ANK2: variants seen among roughly 807,000 people sequenced by gnomAD.
ANK2 encodes the protein ankyrin 2.
Under a neutral mutation model 360.5 loss-of-function variants are expected in ANK2, and 83 were observed. The observed-to-expected ratio is 0.23, with a 90% CI of 0.19 to 0.28. The LOEUF is 0.28. ANK2 is among the 10% of genes least tolerant of loss of function. ANK2 has a pLI of 1.00. For missense variants in ANK2, 4,201 were observed against 4,795.7 expected, an observed-to-expected ratio of 0.88 and a Z score of 3.66; for synonymous variants, 1,740 against 1,759.5, an observed-to-expected ratio of 0.99 and a Z score of 0.28.
At chr4:113,330,116 T>C in intron 26 of ANK2, 130 bp from the exon 27 acceptor site, 2 of 872,382 alleles carry the variant, frequency 2.3e-6, no homozygotes, top group South Asian at 3.3e-5. Flanking sequence ...AAAACAAGCA[T>C]TTTACCACCA....
At chr4:113,263,104 A>G (rs1382280049) in intron 13 of ANK2, among the ~76,000 whole-genome samples, 1 of 147,654 alleles carries the variant, frequency 6.8e-6, no homozygotes, top group African/African-American at 2.5e-5. Context: ...AGGAGAATCT[A>G]TTGAACCCGG....
At chr4:113,100,926 A>G (rs745453285) in intron 1 of ANK2, among the ~76,000 whole-genome samples, 3 of 152,084 alleles carry the variant, frequency 2.0e-5, no homozygotes, top group Non-Finnish European at 4.4e-5. Context: ...AAAAGGCAAA[A>G]CTTTAGAGAT....
chr4:112,786,244 A>C, the ANK2 span, among the ~76,000 whole-genome samples: 177 of 151,580 alleles, frequency 1.2e-3, 1 homozygote, highest in African/African-American at 4.2e-3. Flanking sequence ...TGAAAAAAAA[A>C]AGTAAAAAAA....
chr4:112,747,617 T>A, the ANK2 span, among the ~76,000 whole-genome samples: 1 of 152,194 alleles, frequency 6.6e-6, no homozygotes, highest in Non-Finnish European at 1.5e-5. Context: ...GAAAGTTAAA[T>A]ATTAAGTTCT....
In ANK2 at chr4:113,354,831, C is replaced by T. The variant is rs777757295; in HGVS notation, c.6213C>T (p.Ser2071=). ...AATCCAAAAGAGGAGTTCGTGTTTC[C>T]TCCATAGGAGTTAAGAAAGAAGATG... The part of the protein sequence containing the change: ...TAESKRGVRV[S]SIGVKKEDAA... Residue 2071 remains serine (S), a synonymous_variant, in exon 38 of 46, where the codon TCC becomes TCT. Transcript: ENST00000357077. The T allele has an allele frequency of 5.6e-6, 9 of 1,613,986 alleles. No individual in the cohort carries two copies. Among genetic ancestry groups the T allele is most frequent in the African/African-American group, 5.3e-5 (4 of 74,918 alleles).
At chr4:113,077,176 C>T (rs1462373356) in intron 1 of ANK2, among the ~76,000 whole-genome samples, 1 of 149,242 alleles carries the variant, frequency 6.7e-6, no homozygotes, top group African/African-American at 2.5e-5. Context: ...GAGAAAAATG[C>T]AGTCATTTAA....
chr4:113,356,434 A>G lies in ANK2; in HGVS notation c.7816A>G (p.Lys2606Glu). The G allele has an allele frequency of 1.2e-6, 2 of 1,614,178 alleles. No homozygotes were observed. The highest frequency in any genetic ancestry group is 1.7e-6 in the Non-Finnish European group (2 of 1,179,994). The change falls in exon 38 of 46, where the codon AAG becomes GAG. Residue 2606 changes from lysine to glutamate, a missense_variant. By Grantham distance (56) the Lys-to-Glu change is moderately conservative. Around this residue, in one of 4 missense-constraint regions of ANK2, gnomAD observed 2,642 missense variants for 2,714.5 expected, o/e 0.97. Coordinates refer to ENST00000357077, the MANE Select transcript of ANK2 (RefSeq NM_001148.6). ...KMFDELEQEA[K>E]QKRDYKKEPK... ...GTTTGATGAACTTGAACAAGAAGCAAAGCAGAAAAGGGACTACAAAAAAGA... is the reference window on the plus strand; with the variant it reads ...GTTTGATGAACTTGAACAAGAAGCAGAGCAGAAAAGGGACTACAAAAAAGA...
upstream of ANK2, among the ~76,000 whole-genome samples, chr4:112,813,792 A>G (rs1027709757): frequency 6.6e-6 from 1 of 152,134 alleles, no homozygotes; most frequent in African/African-American, 2.4e-5. Context: ...CATCTTGGCC[A>G]CCCAAAGTGT....
the ANK2 span, among the ~76,000 whole-genome samples, chr4:112,723,986 A>G: frequency 6.6e-6 from 1 of 152,118 alleles, no homozygotes; most frequent in Non-Finnish European, 1.5e-5. Flanking sequence ...TCTGTTAGAC[A>G]TGCTCTGTAT....
intron 26 of ANK2, among the ~76,000 whole-genome samples, chr4:113,320,304 ACT>A (rs755005928): frequency 7.9e-5 from 12 of 152,172 alleles, no homozygotes; most frequent in Non-Finnish European, 1.3e-4. Context: ...TTTAATACTG[ACT>A]CTGGATAATT....
At chr4:112,911,959 C>G (rs374894809) in intron 2 of ANK2, among the ~76,000 whole-genome samples, 2 of 151,836 alleles carry the variant, frequency 1.3e-5, no homozygotes, top group Non-Finnish European at 2.9e-5. Flanking sequence ...AGGTGGATCA[C>G]GAGGTCAGGA....
chr4:113,259,922 AC>A (rs2051791080), intron 13 of ANK2, among the ~76,000 whole-genome samples: 2 of 152,026 alleles, frequency 1.3e-5, no homozygotes, highest in African/African-American at 4.8e-5. Flanking sequence ...AAGCAAACAA[AC>A]AAAAAACCGC....
chr4:112,765,362 C>T, the ANK2 span, among the ~76,000 whole-genome samples: 6 of 152,174 alleles, frequency 3.9e-5, no homozygotes, highest in Non-Finnish European at 1.5e-5. Flanking sequence ...TCTTCCTCAT[C>T]CCTTTTTTTA....
At chr4:112,844,006 G>T (rs933036583) in intron 1 of ANK2, among the ~76,000 whole-genome samples, 1 of 152,088 alleles carries the variant, frequency 6.6e-6, no homozygotes, top group African/African-American at 2.4e-5. Context: ...CAACAATTTT[G>T]TGCTAGACAA....
intron 1 of ANK2, among the ~76,000 whole-genome samples, chr4:113,065,448 T>C (rs1163215032): frequency 6.6e-6 from 1 of 152,196 alleles, no homozygotes; most frequent in Non-Finnish European, 1.5e-5. Flanking sequence ...GAGCATAAAC[T>C]TTTAGAGCTG....
At chr4:112,728,558 C>A in the ANK2 span, among the ~76,000 whole-genome samples, 1 of 151,810 alleles carries the variant, frequency 6.6e-6, no homozygotes, top group South Asian at 2.1e-4. Flanking sequence ...CAAGATCAGC[C>A]TGGGCAAAAT....
the ANK2 span, among the ~76,000 whole-genome samples, chr4:112,744,093 A>AT: frequency 6.6e-6 from 1 of 152,014 alleles, no homozygotes; most frequent in Non-Finnish European, 1.5e-5. Context: ...AAGTGATGAG[A>AT]TTACAGGCAT....
rs1309390670 is a variant in ANK2 at position 113,356,529 on chromosome 4, A to G, written c.7911A>G (p.Pro2637=). 6.2e-7 allele frequency: 1 copy of G among 1,614,156 alleles called. No homozygotes were observed. Among genetic ancestry groups the G allele is most frequent in the Non-Finnish European group, 8.5e-7 (1 of 1,179,990 alleles). ...DADCSVDVDE[P]KHTGSGEDES... ...ACTGTTCAGTAGATGTGGATGAACC[A>G]AAACATACAGGCAGTGGGGAGGATG... Residue 2637 remains proline (P), a synonymous_variant, in exon 38 of 46, where the codon CCA becomes CCG. Transcript: ENST00000357077.
At chr4:112,963,983 A>G (rs1051772806) in intron 2 of ANK2, among the ~76,000 whole-genome samples, 8 of 151,832 alleles carry the variant, frequency 5.3e-5, no homozygotes, top group African/African-American at 1.4e-4. Flanking sequence ...TTATTTGACT[A>G]TATCCCTATT....
Sources: gnomAD v4.1 joint callset for allele counts (sites outside exome capture counted in the v4.1 genomes callset) on GRCh38, gnomAD v4.1.1 for gene constraint, gnomAD v4.1.1 regional missense constraint, MANE v1.5 for transcripts, NCBI Gene and HGNC (gene_info 2026-07-23, HGNC 2026-07-21) for gene names.